PLS3: variants seen among roughly 807,000 people sequenced by gnomAD.
PLS3 encodes plastin 3.
In PLS3, 11 loss-of-function variants were observed where a neutral mutation model predicts 46.5. That is an observed-to-expected ratio of 0.24 (90% CI 0.15 to 0.39). PLS3 has a LOEUF of 0.39. Among genes scored for constraint, PLS3 ranks in the 10% least tolerant of loss-of-function variants. The pLI is 1.00. For synonymous variants in PLS3, 167 were observed against 162.2 expected, an observed-to-expected ratio of 1.03 and a Z score of -0.22; for missense variants, 308 against 461.8, an observed-to-expected ratio of 0.67 and a Z score of 3.05.
intron 1 of PLS3, among the ~76,000 whole-genome samples, chrX:115,577,223 T>C (rs1186090959): frequency 1.8e-5 from 2 of 111,847 alleles, no homozygotes; most frequent in African/African-American, 3.2e-5. Context: ...CTGAAACTCA[T>C]ATCACCCATG....
At chrX:115,580,041 A>T (rs1556631676) in intron 1 of PLS3, among the ~76,000 whole-genome samples, 1 of 111,510 alleles carries the variant, frequency 9.0e-6, no homozygotes, top group East Asian at 2.8e-4. Context: ...TTCTAATTGG[A>T]TTATTTGTGT....
At chrX:115,580,113 T>C (rs1236562638) in intron 1 of PLS3, among the ~76,000 whole-genome samples, 1 of 112,353 alleles carries the variant, frequency 8.9e-6, no homozygotes, top group East Asian at 2.8e-4. Flanking sequence ...CTTTATCAGA[T>C]ATGTGGCATA....
chrX:115,567,183 C>A (rs962909560), intron 1 of PLS3, among the ~76,000 whole-genome samples: 2 of 111,407 alleles, frequency 1.8e-5, no homozygotes, highest in South Asian at 3.8e-4. Context: ...GTGTAAAAAA[C>A]CTCATAAAAA....
intron 1 of PLS3, among the ~76,000 whole-genome samples, chrX:115,569,238 T>G (rs1218389707): frequency 9.0e-6 from 1 of 110,801 alleles, no homozygotes; most frequent in Non-Finnish European, 1.9e-5. Context: ...GAAGTTCTGT[T>G]TTTTGAAACG....
At chrX:115,586,413 A>G (rs781868552) in intron 1 of PLS3, among the ~76,000 whole-genome samples, 4 of 105,512 alleles carry the variant, frequency 3.8e-5, no homozygotes, top group African/African-American at 1.4e-4. Context: ...GCTCACACCT[A>G]TAATGCCAGC....
intron 2 of PLS3, among the ~76,000 whole-genome samples, chrX:115,621,901 CA>C (rs2074659512): frequency 1.8e-5 from 2 of 111,502 alleles, no homozygotes; most frequent in Non-Finnish European, 3.8e-5. Flanking sequence ...TGTTCTATAC[CA>C]TGGAAGTGTT....
intron 9 of PLS3, among the ~76,000 whole-genome samples, chrX:115,641,080 T>C (rs782401127): frequency 3.5e-4 from 39 of 110,999 alleles, no homozygotes; most frequent in Middle Eastern, 4.6e-3. Flanking sequence ...GAGTGAACTA[T>C]TTAGTCCCAA....
At chrX:115,576,876 C>G (rs1382510872) in intron 1 of PLS3, among the ~76,000 whole-genome samples, 1 of 112,610 alleles carries the variant, frequency 8.9e-6, no homozygotes, top group African/African-American at 3.2e-5. Context: ...GCCTGGCACA[C>G]TAACATAAAT....
intron 8 of PLS3, 138 bp from the exon 9 acceptor site, chrX:115,640,270 A>G: frequency 1.6e-6 from 1 of 631,282 alleles, no homozygotes. Context: ...TGGGGAAAAC[A>G]CCTGTTAAAT....
chrX:115,647,273 A>G (rs1217738051), intron 13 of PLS3, among the ~76,000 whole-genome samples: 5 of 102,628 alleles, frequency 4.9e-5, no homozygotes, highest in African/African-American at 2.1e-4. Flanking sequence ...CCCTACTAAA[A>G]ATATAAAAAA....
chrX:115,630,772 T>C (rs868975251), intron 5 of PLS3, among the ~76,000 whole-genome samples: 1 of 95,390 alleles, frequency 1.0e-5, no homozygotes, highest in Non-Finnish European at 2.0e-5. Flanking sequence ...TACACATATA[T>C]ACAAAATATA....
intron 2 of PLS3, among the ~76,000 whole-genome samples, chrX:115,618,577 C>A (rs782602518): frequency 9.0e-6 from 1 of 110,630 alleles, no homozygotes; most frequent in East Asian, 2.8e-4. Context: ...CAGAATGAGA[C>A]CCTGTCTCTA....
chrX:115,620,722 T>G (rs1480368470), intron 2 of PLS3, among the ~76,000 whole-genome samples: 2 of 89,892 alleles, frequency 2.2e-5, no homozygotes, highest in Non-Finnish European at 4.5e-5. Flanking sequence ...TTTTTTTTTT[T>G]TTTTTTTTGA....
chrX:115,600,104 G>A (rs1351014517), intron 1 of PLS3, among the ~76,000 whole-genome samples: 1 of 110,167 alleles, frequency 9.1e-6, no homozygotes, highest in Non-Finnish European at 1.9e-5. Context: ...TGGGAATACT[G>A]GGAATTTTCA....
At chrX:115,614,884 G>A (rs1165160686) in intron 2 of PLS3, among the ~76,000 whole-genome samples, 1 of 112,045 alleles carries the variant, frequency 8.9e-6, no homozygotes, top group Non-Finnish European at 1.9e-5. Flanking sequence ...ATCTGCACTT[G>A]CTAGGCTTTC....
At chrX:115,569,319 T>G (rs2074198344) in intron 1 of PLS3, among the ~76,000 whole-genome samples, 1 of 111,519 alleles carries the variant, frequency 9.0e-6, no homozygotes, top group African/African-American at 3.3e-5. Context: ...ATTATAAAAC[T>G]CAGTTCAAGT....
At chrX:115,597,776 C>T (rs2074403437) in intron 1 of PLS3, among the ~76,000 whole-genome samples, 1 of 111,307 alleles carries the variant, frequency 9.0e-6, no homozygotes, top group East Asian at 2.8e-4. Context: ...TTCTCTAGTT[C>T]CTGATACTAT....
chrX:115,635,160 A>C (rs1394969706), intron 7 of PLS3, 114 bp downstream of exon 7: 4 of 598,659 alleles, frequency 6.7e-6, no homozygotes, highest in Non-Finnish European at 1.1e-5. Flanking sequence ...TAGAATGAAC[A>C]TAAGGTAATG....
intron 1 of PLS3, among the ~76,000 whole-genome samples, chrX:115,587,800 C>A (rs781910123): frequency 2.0e-4 from 22 of 111,312 alleles, no homozygotes; most frequent in African/African-American, 6.8e-4. Flanking sequence ...TATTCAGACC[C>A]GAGTATCTAA....
Sources: gnomAD v4.1 joint callset for allele counts (sites outside exome capture counted in the v4.1 genomes callset) on GRCh38, gnomAD v4.1.1 for gene constraint, MANE v1.5 for transcripts, NCBI Gene and HGNC (gene_info 2026-07-23, HGNC 2026-07-21) for gene names.